AKR1C2: variants seen among roughly 807,000 people sequenced by gnomAD.
AKR1C2 encodes aldo-keto reductase family 1 member C2.
Under a neutral mutation model 39.8 loss-of-function variants are expected in AKR1C2, and 27 were observed. The observed-to-expected ratio is 0.68, with a 90% CI of 0.50 to 0.93. The LOEUF (loss-of-function observed/expected upper bound fraction) is 0.93, where lower values mean the gene tolerates loss of function less well. Ranked by LOEUF, AKR1C2 falls within the 40% of genes least tolerant of loss-of-function variation. AKR1C2 has a pLI of 0.00. For missense variants in AKR1C2, 263 were observed against 365.1 expected (o/e 0.72, Z 2.28); for synonymous variants, 114 against 137.9 (o/e 0.83, Z 1.22).
chr10:5,016,301 T>C (rs36026148), intron 1 of AKR1C2, among the ~76,000 whole-genome samples: 39,081 of 151,772 alleles, frequency 0.26, 5,274 homozygotes, highest in Non-Finnish European at 0.3. Context: ...CAACTATGAG[T>C]CATAAAATCA....
At chr10:5,000,446 A>T (rs781919910) in intron 3 of AKR1C2, 104 bp downstream of exon 3, 1 of 1,604,206 alleles carries the variant, frequency 6.2e-7, no homozygotes, top group South Asian at 1.1e-5. Context: ...TCCATGTTAA[A>T]ATCCCTATGT....
At chr10:5,000,294 G>T (rs1289928015) in intron 3 of AKR1C2, 2 of 1,482,264 alleles carry the variant, frequency 1.3e-6, no homozygotes, top group African/African-American at 1.4e-5. Context: ...GGAGATGATT[G>T]TCATTTCCTC....
chr10:5,001,724 T>G lies in AKR1C2; in HGVS notation c.85-43A>C, dbSNP rs193096718. The G allele has an allele frequency of 5.6e-6, 9 of 1,610,980 alleles. No homozygotes were observed. In the Admixed American group the frequency reaches 1.3e-4, roughly 24 times the overall value. The stretch of plus-strand genomic sequence containing the variant: ...CGTAATATTTTCTGACTAATGTGCC[T>G]GAGAGTTAGTTCGGGCACAAGCAGC... On this transcript the variant is annotated intron_variant, in intron 1 of 8. Coordinates refer to ENST00000380753, the MANE Select transcript of AKR1C2 (RefSeq NM_001393392.1).
chr10:4,988,362 G>A lies in AKR1C2; in HGVS notation c.*1634C>T, dbSNP rs1205158423. The A allele has an allele frequency of 6.6e-6, 1 of 152,140 alleles. No individual in the cohort carries two copies. Among genetic ancestry groups the A allele is most frequent in the African/African-American group, 2.4e-5 (1 of 41,416 alleles). 9.4% of individuals were successfully genotyped at this position (152,140 alleles called of 1,614,324 possible). ...TGAATGTCCATTAAACTTTAACATGGAGATGCAGAGTTCACATTATGATCT... is the reference window on the plus strand; with the variant it reads ...TGAATGTCCATTAAACTTTAACATGAAGATGCAGAGTTCACATTATGATCT... On this transcript the variant is annotated 3_prime_UTR_variant, in exon 9 of 9. Transcript: ENST00000380753.
At chr10:5,006,161 C>A (rs554753526), upstream of AKR1C2, 1 of 152,270 alleles carries the variant, frequency 6.6e-6, no homozygotes, top group South Asian at 2.1e-4. Context: ...AGGGGAAGTG[C>A]AAACCCATGG....
At chr10:5,008,769 T>C (rs1554774645), upstream of AKR1C2, among the ~76,000 whole-genome samples, 1 of 152,256 alleles carries the variant, frequency 6.6e-6, no homozygotes, top group Non-Finnish European at 1.5e-5. Flanking sequence ...TCTCACTATT[T>C]TTTCTGAACA....
At chr10:5,008,336 G>A (rs1837448620), upstream of AKR1C2, among the ~76,000 whole-genome samples, 1 of 151,320 alleles carries the variant, frequency 6.6e-6, no homozygotes, top group Non-Finnish European at 1.5e-5. Context: ...GGTGGCAAGT[G>A]CCAAGCCTCA....
At chr10:5,000,742 A>G in intron 2 of AKR1C2, 76 bp from the exon 3 acceptor site, 2 of 1,371,926 alleles carry the variant, frequency 1.5e-6, no homozygotes, top group Non-Finnish European at 2.0e-6. Context: ...CCTAATATTT[A>G]GACATTTTCT....
At chr10:4,991,211 G>T (rs1836830469) in intron 8 of AKR1C2, among the ~76,000 whole-genome samples, 1 of 151,332 alleles carries the variant, frequency 6.6e-6, no homozygotes, top group Non-Finnish European at 1.5e-5. Flanking sequence ...TCTCCATATT[G>T]CAGAACACCA....
At chr10:4,998,179 T>C (rs1837126987) in intron 5 of AKR1C2, among the ~76,000 whole-genome samples, 1 of 150,592 alleles carries the variant, frequency 6.6e-6, no homozygotes, top group East Asian at 2.0e-4. Context: ...CACTGAGACA[T>C]CCGAAGCCCA....
In AKR1C2 at chr10:4,998,445, C is replaced by T. The variant is rs2518044; in HGVS notation, c.570+180G>A. ...CAGCATCAAAGTTACAACACCTTTT[C>T]GTAAGACTTTTCTAAGCAGGGTACA... is the stretch of plus-strand genomic sequence containing the variant. On this transcript the variant is annotated intron_variant, in intron 5 of 8. Coordinates refer to ENST00000380753, the MANE Select transcript of AKR1C2 (RefSeq NM_001393392.1). 0.29 allele frequency among the ~76,000 whole-genome samples: 43,686 copies of T among 152,144 alleles called. 6,996 individuals carry two copies. Among genetic ancestry groups the T allele is most frequent in the East Asian group, 0.62 (3,214 of 5,170 alleles).
At chr10:4,992,678 C>T (rs1322611286) in intron 7 of AKR1C2, among the ~76,000 whole-genome samples, 16 of 149,776 alleles carry the variant, frequency 1.1e-4, no homozygotes, top group Admixed American at 6.6e-5. Flanking sequence ...TTGCCGGGCA[C>T]GTTGGCTCAC....
At chr10:5,004,156 A>G (rs1554774180), upstream of AKR1C2, 1 of 223,240 alleles carries the variant, frequency 4.5e-6, no homozygotes, top group Non-Finnish European at 8.8e-6. Flanking sequence ...GACTTTACAT[A>G]AGAATATAGA....
chr10:4,998,310 T>C (rs570656910), intron 5 of AKR1C2, among the ~76,000 whole-genome samples: 2 of 152,282 alleles, frequency 1.3e-5, no homozygotes, highest in African/African-American at 4.8e-5. Context: ...ACCCGTCCAC[T>C]CTCTGGTCAT....
chr10:5,007,264 C>T (rs1385636374), upstream of AKR1C2: 5 of 138,236 alleles, frequency 3.6e-5, 1 homozygote, highest in Admixed American at 1.5e-4. Context: ...GTATGAAAAA[C>T]GTGGAAACAT....
At chr10:5,005,374 C>T (rs1333442928), upstream of AKR1C2, among the ~76,000 whole-genome samples, 8 of 152,072 alleles carry the variant, frequency 5.3e-5, no homozygotes, top group Non-Finnish European at 1.0e-4. Context: ...TTCAAATGCC[C>T]AGTTAAATAA....
At chr10:5,014,695 C>T (rs782371124) in intron 1 of AKR1C2, among the ~76,000 whole-genome samples, 1 of 152,132 alleles carries the variant, frequency 6.6e-6, no homozygotes, top group Non-Finnish European at 1.5e-5. Flanking sequence ...GAAAGCGTTC[C>T]CTCTAGCTAG....
chr10:5,017,003 T>C (rs1473122089), intron 1 of AKR1C2, among the ~76,000 whole-genome samples: 14 of 152,050 alleles, frequency 9.2e-5, no homozygotes, highest in African/African-American at 2.7e-4. Context: ...AAGTGGCTGG[T>C]ATGCAGGGTG....
At position 4,998,611 on chromosome 10, in the gene AKR1C2, C is replaced by T. The variant is rs1165409574; in HGVS notation, c.570+14G>A. The T allele has an allele frequency of 6.8e-6, 11 of 1,613,732 alleles. No homozygotes were observed. The African/African-American group carries it at 1.5e-4, about 22-fold the overall frequency. ...CATGAAGAACAGAAAGGAGAGGAGG[C>T]TGAGGGCGCTCACCTGGTTGCAGAC... On this transcript the variant is annotated intron_variant, in intron 5 of 8. Coordinates refer to ENST00000380753, the MANE Select transcript of AKR1C2 (RefSeq NM_001393392.1).
Sources: allele counts gnomAD v4.1 joint callset (sites outside exome capture counted in the v4.1 genomes callset), GRCh38; gene constraint gnomAD v4.1.1; transcripts MANE v1.5; gene names NCBI Gene and HGNC (gene_info 2026-07-23, HGNC 2026-07-21).